The following MTUS1 variants were observed in gnomAD, a reference collection of about 807,000 sequenced individuals.
The protein encoded by MTUS1 is microtubule-associated tumor suppressor 1.
Under a neutral mutation model 120.8 loss-of-function variants are expected in MTUS1, and 109 were observed. The ratio of observed to expected loss-of-function variants is 0.90; its 90% confidence interval spans 0.77 to 1.06. The LOEUF (loss-of-function observed/expected upper bound fraction) is 1.06, where lower values mean the gene tolerates loss of function less well. Among genes scored for constraint, MTUS1 ranks in the 50% least tolerant of loss-of-function variants. The pLI is 0.00. For missense variants in MTUS1, 2,210 were observed against 1,486.3 expected, an observed-to-expected ratio of 1.49 and a Z score of -8.01; for synonymous variants, 737 against 550.5, an observed-to-expected ratio of 1.34 and a Z score of -4.74.
chr8:17,671,598 G>A (rs917981518), intron 8 of MTUS1, among the ~76,000 whole-genome samples: 2 of 152,212 alleles, frequency 1.3e-5, no homozygotes, highest in African/African-American at 4.8e-5. Flanking sequence ...AGGGAACAAC[G>A]GGAAAGTCAG....
chr8:17,649,805 C>A (rs199981989), intron 13 of MTUS1, 41 bp downstream of exon 13: 59 of 1,100,590 alleles, frequency 5.4e-5, no homozygotes, highest in Non-Finnish European at 2.0e-5. Context: ...ACACATATTA[C>A]CCCATTTGTA....
intron 9 of MTUS1, 66 bp from the exon 10 acceptor site, chr8:17,654,732 G>T: frequency 8.9e-7 from 1 of 1,128,106 alleles, no homozygotes; most frequent in Non-Finnish European, 1.3e-6. Flanking sequence ...AATACGCAAA[G>T]CAACCACATT....
intron 2 of MTUS1, 143 bp from the exon 3 acceptor site, chr8:17,743,942 C>T: frequency 3.1e-6 from 2 of 644,344 alleles, no homozygotes; most frequent in South Asian, 2.1e-5. Context: ...AGAGGTCAGA[C>T]ATGCCTCATT....
chr8:17,746,596 T>C (rs775696794), intron 2 of MTUS1, among the ~76,000 whole-genome samples: 26 of 152,042 alleles, frequency 1.7e-4, no homozygotes, highest in Admixed American at 1.2e-3. Context: ...AAGAACAGTA[T>C]GGGGGAAACC....
intron 1 of MTUS1, among the ~76,000 whole-genome samples, chr8:17,782,195 G>C (rs399220): frequency 0.3 from 46,316 of 152,106 alleles, 9,514 homozygotes; most frequent in African/African-American, 0.56. Context: ...ATTCATAACA[G>C]TGAGATTTCA....
chr8:17,691,519 C>G (rs1563210764), intron 6 of MTUS1, among the ~76,000 whole-genome samples: 2 of 152,160 alleles, frequency 1.3e-5, no homozygotes, highest in Non-Finnish European at 2.9e-5. Flanking sequence ...TGGCAAGAGG[C>G]CAGCAAAATC....
chr8:17,717,788 G>A (rs1479479691), intron 4 of MTUS1, among the ~76,000 whole-genome samples: 1 of 152,046 alleles, frequency 6.6e-6, no homozygotes, highest in South Asian at 2.1e-4. Context: ...CTGGAAATCA[G>A]CTGTCTCACT....
chr8:17,727,794 A>G (rs1380099986), intron 3 of MTUS1, among the ~76,000 whole-genome samples: 2 of 152,206 alleles, frequency 1.3e-5, no homozygotes, highest in East Asian at 1.9e-4. Flanking sequence ...AAGCTCGTGC[A>G]CTTAGCATAG....
intron 1 of MTUS1, among the ~76,000 whole-genome samples, chr8:17,757,382 C>T (rs936443479): frequency 3.9e-5 from 6 of 152,156 alleles, no homozygotes; most frequent in South Asian, 4.1e-4. Context: ...ATTGGGATGA[C>T]GTTTCTTTTG....
intron 4 of MTUS1, among the ~76,000 whole-genome samples, chr8:17,718,864 T>C (rs1345022076): frequency 6.6e-6 from 1 of 151,650 alleles, no homozygotes; most frequent in African/African-American, 2.4e-5. Flanking sequence ...AGACATGATT[T>C]TCCTATTAGA....
At chr8:17,725,468 G>A (rs894616587) in intron 3 of MTUS1, among the ~76,000 whole-genome samples, 2 of 152,108 alleles carry the variant, frequency 1.3e-5, no homozygotes, top group Non-Finnish European at 2.9e-5. Context: ...TCTGACACCA[G>A]GGCACATCAT....
chr8:17,743,397 C>T (rs1192761561), intron 3 of MTUS1, among the ~76,000 whole-genome samples: 1 of 152,126 alleles, frequency 6.6e-6, no homozygotes. Flanking sequence ...ATGGTTTATA[C>T]ACCTATACCT....
Position 17,755,323 on chromosome 8 carries a change from T to C in MTUS1, c.485A>G (p.Asp162Gly). 1.2e-6 allele frequency: 2 copies of C among 1,614,192 alleles called. No homozygotes were observed. The highest frequency in any genetic ancestry group is 1.7e-6 in the Non-Finnish European group (2 of 1,180,032). ...CDALELNQTF[D>G]MTVDKVNCTF... is the part of the protein sequence containing the mutation. ...GCAGTTAACTTTATCCACTGTCATG[T>C]CAAATGTTTGGTTTAGCTCCAAGGC... The change falls in exon 2 of 15, where the codon GAC becomes GGC. Residue 162 changes from aspartate to glycine, a missense_variant. Coordinates refer to ENST00000693296, the MANE Select transcript of MTUS1 (RefSeq NM_001363059.2).
Position 17,713,285 on chromosome 8 carries a change from T to C in MTUS1, c.2585-33A>G, listed in dbSNP as rs368539483. The C allele has an allele frequency of 2.9e-5, 36 of 1,255,150 alleles. No homozygotes were observed. The East Asian group carries it at 6.3e-4, about 22-fold the overall frequency. The allele number at this position is 1,255,150 out of a possible 1,614,324, so 77.8% of individuals were successfully genotyped here. A position where few individuals can be genotyped will look rare whatever the true frequency, so the allele number is the denominator to read the frequency against. ...ATAAAAGAAACATGTAAAATACATA[T>C]GTTTTATTTGACATATCACATAAAA... On this transcript the variant is annotated intron_variant, in intron 5 of 14. Coordinates refer to ENST00000693296, the MANE Select transcript of MTUS1 (RefSeq NM_001363059.2).
At position 17,644,336 on chromosome 8, in the gene MTUS1, A is replaced by T. The variant is rs762664653; in HGVS notation, c.*1590T>A. ...TAGTGTACATGTAAATGACCCAAATATTCACCTCTAGCATCCTGAATCTCT... is the reference window on the plus strand; with the variant it reads ...TAGTGTACATGTAAATGACCCAAATTTTCACCTCTAGCATCCTGAATCTCT... On this transcript the variant is annotated 3_prime_UTR_variant, in exon 15 of 15. Transcript: ENST00000693296. 31 of 152,794 alleles carry T rather than the reference A, an allele frequency of 2.0e-4. No homozygotes were observed. The highest frequency in any genetic ancestry group is 9.1e-4 in the Admixed American group (14 of 15,306). 9.5% of individuals were successfully genotyped at this position (152,794 alleles called of 1,614,324 possible).
chr8:17,697,300 T>G (rs1233755006), intron 6 of MTUS1: 23 of 1,613,864 alleles, frequency 1.4e-5, no homozygotes, highest in Non-Finnish European at 1.9e-5. Context: ...CTGAAGGAAG[T>G]CGAAGGTTTC....
At chr8:17,699,539 G>A (rs1009117940) in intron 6 of MTUS1, among the ~76,000 whole-genome samples, 8 of 152,114 alleles carry the variant, frequency 5.3e-5, no homozygotes, top group African/African-American at 1.2e-4. Flanking sequence ...TAAAAGGGAA[G>A]TTCTTTAGAC....
In MTUS1 at chr8:17,784,125, A is replaced by T. The variant is rs555011570; in HGVS notation, c.-155+16936T>A. On this transcript the variant is annotated intron_variant, in intron 1 of 14. Transcript: ENST00000693296. ...AAGTAATCATAAGTTAAATAAAATA[A>T]CATCTCTCCTTTTGATACTAACTTC... Among the ~76,000 whole-genome samples, 113 of 152,300 alleles carry T rather than the reference A, an allele frequency of 7.4e-4. 1 individual carries two copies. In the South Asian group the frequency reaches 0.01, roughly 14 times the overall value.
chr8:17,755,685 G>T lies in MTUS1; in HGVS notation c.123C>A (p.Ala41=), dbSNP rs781187972. The change falls in exon 2 of 15, where the codon GCC becomes GCA. Residue 41 remains alanine (A), a synonymous_variant. Transcript: ENST00000693296. ...PKSPPTQNSS[A]SSVNWNSANP... ...TGGCAGAATTCCAGTTCACACTGCTGGCTGAAGAGTTTTGTGTAGGTGGTG... is the reference window on the plus strand; with the variant it reads ...TGGCAGAATTCCAGTTCACACTGCTTGCTGAAGAGTTTTGTGTAGGTGGTG... The T allele has an allele frequency of 8.7e-6, 14 of 1,614,190 alleles. No homozygotes were observed. The highest frequency in any genetic ancestry group is 1.1e-5 in the Non-Finnish European group (13 of 1,180,028).
Sources: gnomAD v4.1 joint callset for allele counts (sites outside exome capture counted in the v4.1 genomes callset) on GRCh38, gnomAD v4.1.1 for gene constraint, MANE v1.5 for transcripts, NCBI Gene and HGNC (gene_info 2026-07-23, HGNC 2026-07-21) for gene names.